Variants in ABCC2 observed in about 807,000 individuals in gnomAD.
ABCC2 encodes ATP binding cassette subfamily C member 2.
A neutral mutation model predicts 173.4 loss-of-function variants in ABCC2; 157 were observed. The ratio of observed to expected loss-of-function variants is 0.91; its 90% CI spans 0.80 to 1.03. ABCC2 has a LOEUF of 1.03. Among genes scored for constraint, ABCC2 ranks in the 50% least tolerant of loss-of-function variants. The pLI is 0.00. For missense variants in ABCC2, 1,822 were observed against 1,852.3 expected, an observed-to-expected ratio of 0.98 and a Z score of 0.30; for synonymous variants, 657 against 693.5, an observed-to-expected ratio of 0.95 and a Z score of 0.83.
intron 25 of ABCC2, 108 bp from the exon 26 acceptor site, chr10:99,841,859 G>T (rs1031091173): frequency 6.7e-7 from 1 of 1,499,354 alleles, no homozygotes; most frequent in Non-Finnish European, 9.2e-7. Context: ...CTAAGAGTGC[G>T]GCCCGATCAA....
At chr10:99,807,684 T>G (rs763292630) in intron 12 of ABCC2, among the ~76,000 whole-genome samples, 163 bp downstream of exon 12, 6 of 152,240 alleles carry the variant, frequency 3.9e-5, no homozygotes, top group Non-Finnish European at 8.8e-5. Context: ...TCCTCCTTTG[T>G]ACCATACCCC....
intron 25 of ABCC2, among the ~76,000 whole-genome samples, chr10:99,836,804 C>T (rs185748246): frequency 3.9e-5 from 6 of 152,106 alleles, no homozygotes; most frequent in African/African-American, 1.4e-4. Flanking sequence ...GGGAAGCTTC[C>T]GTCTTGTGAA....
chr10:99,831,027 C>G (rs2133113181), intron 21 of ABCC2, among the ~76,000 whole-genome samples, 176 bp downstream of exon 21: 1 of 152,312 alleles, frequency 6.6e-6, no homozygotes, highest in South Asian at 2.1e-4. Flanking sequence ...TCTACCAAGT[C>G]ATATTTCCAT....
At chr10:99,803,464 TCCTC>T (rs2038045313) in intron 9 of ABCC2, among the ~76,000 whole-genome samples, 1 of 152,088 alleles carries the variant, frequency 6.6e-6, no homozygotes, top group South Asian at 2.1e-4. Flanking sequence ...CTCCTTCCCT[TCCTC>T]CCTCTCTCCT....
chr10:99,824,161 C>A (rs949905557), intron 19 of ABCC2, among the ~76,000 whole-genome samples: 6 of 152,140 alleles, frequency 3.9e-5, no homozygotes, highest in African/African-American at 1.4e-4. Context: ...TCTGAGTCTC[C>A]TCTTAAGATA....
In ABCC2 at chr10:99,830,803, A is replaced by G. The variant is rs1355020746; in HGVS notation, c.2835A>G (p.Leu945=). Residue 945 remains leucine (L), a synonymous_variant, in exon 21 of 32, where the codon CTA becomes CTG. Coordinates refer to ENST00000647814, the MANE Select transcript of ABCC2 (RefSeq NM_000392.5). ...ATAGCCTGAAGGAAGACGAAGAACT[A>G]GTGAAAGGACAAAAACTAATTAAGA... ...NVNSLKEDEE[L]VKGQKLIKKE... is the part of the protein sequence containing the mutation. 1.9e-6 allele frequency: 3 copies of G among 1,614,038 alleles called. No homozygotes were observed. Among genetic ancestry groups the G allele is most frequent in the South Asian group, 1.1e-5 (1 of 91,090 alleles).
rs140904265 is a variant in ABCC2 at position 99,821,649 on chromosome 10, A to T, written c.2620+2380A>T. Among the ~76,000 whole-genome samples the T allele has an allele frequency of 9.1e-3, 1,393 of 152,264 alleles. 16 individuals carry two copies. Among genetic ancestry groups the T allele is most frequent in the South Asian group, 0.032 (152 of 4,824 alleles). ...TTTAACCCTGAGTTTGACACAGCAC[A>T]TGTTTCAGAGAGCACGGGGTTGGGG... On this transcript the variant is annotated intron_variant, in intron 19 of 31. Coordinates refer to ENST00000647814, the MANE Select transcript of ABCC2 (RefSeq NM_000392.5).
chr10:99,795,738 GGAAAGAAAGAAAGAAAGAAA>G (rs1205497592), intron 6 of ABCC2, among the ~76,000 whole-genome samples: 1 of 28,730 alleles, frequency 3.5e-5, no homozygotes, highest in Non-Finnish European at 7.8e-5. Context: ...AAAGAAAGAA[GGAAAGAAAGAAAGAAAGAAA>G]GAAAGAAAGA....
chr10:99,833,912 A>G (rs979143511), intron 23 of ABCC2, among the ~76,000 whole-genome samples: 3 of 152,206 alleles, frequency 2.0e-5, no homozygotes, highest in Non-Finnish European at 4.4e-5. Flanking sequence ...TTTATTTCAC[A>G]TGACACGAAG....
chr10:99,796,482 G>A (rs1034449159), intron 6 of ABCC2, among the ~76,000 whole-genome samples: 3 of 151,674 alleles, frequency 2.0e-5, no homozygotes, highest in African/African-American at 4.9e-5. Context: ...CCAGCCTATC[G>A]ACAAGATCGC....
chr10:99,830,563 G>C, intron 20 of ABCC2, 130 bp downstream of exon 20: 1 of 1,567,052 alleles, frequency 6.4e-7, no homozygotes, highest in Non-Finnish European at 8.8e-7. Context: ...TTGTTTCTTT[G>C]TTGTGGGGAT....
chr10:99,784,904 A>G lies in ABCC2; in HGVS notation c.207+123A>G. ...TGTCCCAGGTGCCATTGTCTCAGGTAGAGCCAGGCTCAAGGTTTCCCTCAC... is the reference window on the plus strand; with the variant it reads ...TGTCCCAGGTGCCATTGTCTCAGGTGGAGCCAGGCTCAAGGTTTCCCTCAC... On this transcript the variant is annotated intron_variant, in intron 2 of 31. Transcript: ENST00000647814. The G allele has an allele frequency of 4.0e-6, 5 of 1,249,856 alleles. No homozygotes were observed. In the Admixed American group the frequency reaches 7.9e-5, roughly 20 times the overall value. 77.4% of individuals were successfully genotyped at this position (1,249,856 alleles called of 1,614,324 possible).
chr10:99,844,645 G>A (rs1564701251), intron 28 of ABCC2, among the ~76,000 whole-genome samples, 180 bp downstream of exon 28: 2 of 152,184 alleles, frequency 1.3e-5, no homozygotes. Flanking sequence ...AGCAGCCAGG[G>A]ATCACACAGA....
At chr10:99,805,042 A>AG (rs1374849910) in intron 10 of ABCC2, among the ~76,000 whole-genome samples, 2 of 152,134 alleles carry the variant, frequency 1.3e-5, no homozygotes, top group African/African-American at 4.8e-5. Flanking sequence ...CCTCTTGGGG[A>AG]GTGGACATTT....
At chr10:99,785,682 C>A (rs1165948922) in intron 2 of ABCC2, among the ~76,000 whole-genome samples, 1 of 152,058 alleles carries the variant, frequency 6.6e-6, no homozygotes, top group Admixed American at 6.6e-5. Flanking sequence ...CCATGTCCAG[C>A]TAATTTTTGT....
intron 8 of ABCC2, 73 bp downstream of exon 8, chr10:99,799,443 A>G (rs1590149453): frequency 2.0e-6 from 3 of 1,530,020 alleles, no homozygotes; most frequent in East Asian, 2.2e-5. Context: ...TGTGTATGCA[A>G]GCAGGAGCTT....
intron 16 of ABCC2, among the ~76,000 whole-genome samples, chr10:99,814,088 T>TATAC (rs1554850374): frequency 1.0e-5 from 1 of 96,568 alleles, no homozygotes; most frequent in Non-Finnish European, 2.3e-5. Flanking sequence ...TATGTGTATA[T>TATAC]ACACATATAT....
At chr10:99,811,892 G>C (rs2038222373) in intron 15 of ABCC2, among the ~76,000 whole-genome samples, 1 of 152,190 alleles carries the variant, frequency 6.6e-6, no homozygotes, top group Admixed American at 6.5e-5. Flanking sequence ...AGGTAGTGCA[G>C]CGTTGGCAGG....
chr10:99,829,348 A>G (rs2038699298), intron 19 of ABCC2, among the ~76,000 whole-genome samples: 1 of 152,152 alleles, frequency 6.6e-6, no homozygotes, highest in Admixed American at 6.5e-5. Context: ...CTGCCACAAA[A>G]CTTACTGTTC....
Sources: allele counts gnomAD v4.1 joint callset (sites outside exome capture counted in the v4.1 genomes callset), GRCh38; gene constraint gnomAD v4.1.1; transcripts MANE v1.5; gene names NCBI Gene and HGNC (gene_info 2026-07-23, HGNC 2026-07-21).